KCNH5: variants seen among roughly 807,000 people sequenced by gnomAD.
KCNH5 encodes the protein voltage-gated delayed rectifier potassium channel KCNH5.
A neutral mutation model predicts 96.1 loss-of-function variants in KCNH5; 46 were observed. The observed-to-expected ratio is 0.48, with a 90% confidence interval of 0.38 to 0.61. The LOEUF (loss-of-function observed/expected upper bound fraction) is 0.61, where lower values mean the gene tolerates loss of function less well. Ranked by LOEUF, KCNH5 falls within the 20% of genes least tolerant of loss-of-function variation. KCNH5 has a pLI of 0.00. For synonymous variants in KCNH5, 439 were observed against 449.8 expected (o/e 0.98, Z 0.30); for missense variants, 907 against 1,225.8 (o/e 0.74, Z 3.88).
chr14:62,716,082 A>G (rs1353563612), intron 10 of KCNH5, among the ~76,000 whole-genome samples: 1 of 152,208 alleles, frequency 6.6e-6, no homozygotes, highest in Admixed American at 6.5e-5. Flanking sequence ...TGTTTTTCAC[A>G]ATGAACAAAA....
At chr14:62,954,984 A>C (rs1016730031) in intron 6 of KCNH5, among the ~76,000 whole-genome samples, 1 of 152,040 alleles carries the variant, frequency 6.6e-6, no homozygotes, top group African/African-American at 2.4e-5. Context: ...GAATTATGGA[A>C]GCTACAATTT....
chr14:62,986,053 G>A (rs545455929), intron 5 of KCNH5, among the ~76,000 whole-genome samples: 1 of 152,136 alleles, frequency 6.6e-6, no homozygotes, highest in Admixed American at 6.6e-5. Flanking sequence ...TAATGTGTCT[G>A]CAATCCACCC....
At chr14:62,895,772 A>G (rs1458057371) in intron 7 of KCNH5, among the ~76,000 whole-genome samples, 1 of 152,224 alleles carries the variant, frequency 6.6e-6, no homozygotes, top group Non-Finnish European at 1.5e-5. Flanking sequence ...TCTCATTAAA[A>G]AATCTAGTGG....
At chr14:63,026,363 T>C (rs1891524559) in intron 1 of KCNH5, among the ~76,000 whole-genome samples, 1 of 151,944 alleles carries the variant, frequency 6.6e-6, no homozygotes, top group Non-Finnish European at 1.5e-5. Context: ...AATTACCAAA[T>C]GAAATTACAT....
chr14:62,777,813 G>A (rs930091342), intron 10 of KCNH5, among the ~76,000 whole-genome samples: 1 of 152,066 alleles, frequency 6.6e-6, no homozygotes, highest in African/African-American at 2.4e-5. Flanking sequence ...CCACACCAGT[G>A]TGCACTCAGC....
At chr14:62,835,876 A>C (rs1449665731) in intron 8 of KCNH5, among the ~76,000 whole-genome samples, 1 of 152,054 alleles carries the variant, frequency 6.6e-6, no homozygotes, top group African/African-American at 2.4e-5. Flanking sequence ...CCCTCAAAAA[A>C]AACGAAATAA....
rs994823367 is a variant in KCNH5 at position 62,852,110 on chromosome 14, C to T, written c.1370-2258G>A. On this transcript the variant is annotated intron_variant, in intron 7 of 10. Coordinates refer to ENST00000322893, the MANE Select transcript of KCNH5 (RefSeq NM_139318.5). Reference sequence around the variant, plus strand: ...AATACTTATACATATTTATGAGGTACAATGATATCTTGATATAAGCATATA... The same window carrying T: ...AATACTTATACATATTTATGAGGTATAATGATATCTTGATATAAGCATATA... Among the ~76,000 whole-genome samples the T allele has an allele frequency of 5.9e-5, 9 of 152,182 alleles. No homozygotes were observed. In the East Asian group the frequency reaches 9.6e-4, roughly 16 times the overall value.
intron 10 of KCNH5, among the ~76,000 whole-genome samples, chr14:62,768,084 A>T (rs1236085604): frequency 6.6e-6 from 1 of 152,132 alleles, no homozygotes; most frequent in Non-Finnish European, 1.5e-5. Context: ...GGGGTGAGGG[A>T]TGAGAAATTA....
At chr14:63,044,954 C>G (rs1441026901) in intron 1 of KCNH5, among the ~76,000 whole-genome samples, 160 bp downstream of exon 1, 1 of 152,010 alleles carries the variant, frequency 6.6e-6, no homozygotes, top group Non-Finnish European at 1.5e-5. Context: ...CTCATTGCCA[C>G]CCCACCCCAC....
At chr14:62,822,694 A>T (rs1286396749) in intron 8 of KCNH5, among the ~76,000 whole-genome samples, 1 of 152,034 alleles carries the variant, frequency 6.6e-6, no homozygotes, top group African/African-American at 2.4e-5. Flanking sequence ...TTTTAGAAAA[A>T]GAGAAGAAAA....
At position 62,702,810 on chromosome 14, in the gene KCNH5, G is replaced by A. The variant is rs1884367802; in HGVS notation, c.*4698C>T. 2 of 151,922 alleles carry A rather than the reference G, an allele frequency of 1.3e-5. No homozygotes were observed. Among genetic ancestry groups the A allele is most frequent in the South Asian group, 4.1e-4 (2 of 4,826 alleles). 9.4% of individuals were successfully genotyped at this position (151,922 alleles called of 1,614,324 possible). ...TGAAGTGATAGAAAATCTCAAGTCA[G>A]AATATAGGCCAAAACTTACAACACA... On this transcript the variant is annotated 3_prime_UTR_variant, in exon 11 of 11. Transcript: ENST00000322893.
chr14:62,735,269 G>C (rs1285800422), intron 10 of KCNH5, among the ~76,000 whole-genome samples: 7 of 152,154 alleles, frequency 4.6e-5, no homozygotes, highest in Non-Finnish European at 7.3e-5. Context: ...GAATGCTGAA[G>C]CTGTAGCTGT....
intron 7 of KCNH5, among the ~76,000 whole-genome samples, chr14:62,871,922 T>C (rs1888263828): frequency 6.6e-6 from 1 of 152,198 alleles, no homozygotes; most frequent in Non-Finnish European, 1.5e-5. Context: ...TTCAGTGGCA[T>C]CCCTAAGGTC....
At position 62,766,594 on chromosome 14, in the gene KCNH5, C is replaced by T. The variant is rs150568545; in HGVS notation, c.2019+13134G>A. 6.8e-4 allele frequency among the ~76,000 whole-genome samples: 103 copies of T among 152,218 alleles called. No individual in the cohort carries two copies. In the Middle Eastern group the frequency reaches 0.01, roughly 15 times the overall value. ...GCCAGGCACAGAAAGACAAACTTCACATATTCTCACTTATTTGTGGGGTCT... is the reference window on the plus strand; with the variant it reads ...GCCAGGCACAGAAAGACAAACTTCATATATTCTCACTTATTTGTGGGGTCT... On this transcript the variant is annotated intron_variant, in intron 10 of 10. Coordinates refer to ENST00000322893, the MANE Select transcript of KCNH5 (RefSeq NM_139318.5).
intron 5 of KCNH5, among the ~76,000 whole-genome samples, chr14:62,982,142 A>G (rs1213477691): frequency 2.6e-5 from 4 of 152,190 alleles, no homozygotes; most frequent in Non-Finnish European, 5.9e-5. Flanking sequence ...CATCCTGGCC[A>G]ACATGGTGAA....
At position 63,017,002 on chromosome 14, in the gene KCNH5, A is replaced by G. The variant is rs375764252; in HGVS notation, c.74-48T>C. 23 of 1,564,804 alleles carry G rather than the reference A, an allele frequency of 1.5e-5. No homozygotes were observed. In the African/African-American group the frequency reaches 2.9e-4, roughly 20 times the overall value. On this transcript the variant is annotated intron_variant, in intron 1 of 10. Transcript: ENST00000322893. ...GGAGGTTATTTAGCTTAATTCAACA[A>G]TGCACTTATTTCAAGTAATCAAAAA...
intron 6 of KCNH5, among the ~76,000 whole-genome samples, chr14:62,966,032 T>C (rs1401211930): frequency 6.6e-6 from 1 of 152,134 alleles, no homozygotes; most frequent in African/African-American, 2.4e-5. Flanking sequence ...ACCAGGACAA[T>C]TGCAACATCT....
At chr14:62,922,198 T>A (rs56051678) in intron 7 of KCNH5, among the ~76,000 whole-genome samples, 3,259 of 152,158 alleles carry the variant, frequency 0.021, 67 homozygotes, top group South Asian at 0.044. Context: ...TTGATTTTTT[T>A]AATCCTTAGA....
At chr14:62,869,886 C>T (rs567556523) in intron 7 of KCNH5, among the ~76,000 whole-genome samples, 10 of 152,266 alleles carry the variant, frequency 6.6e-5, no homozygotes, top group Non-Finnish European at 1.3e-4. Context: ...GGAAAACTGG[C>T]TAGCCATATG....
Sources: allele counts gnomAD v4.1 joint callset (sites outside exome capture counted in the v4.1 genomes callset), GRCh38; gene constraint gnomAD v4.1.1; transcripts MANE v1.5; gene names NCBI Gene and HGNC (gene_info 2026-07-23, HGNC 2026-07-21).